Variants in SOD2 observed in about 807,000 individuals in gnomAD.
The protein encoded by SOD2 is superoxide dismutase [Mn], mitochondrial.
In SOD2, 11 loss-of-function variants were observed where a neutral mutation model predicts 27.0. The ratio of observed to expected loss-of-function variants is 0.41; its 90% confidence interval spans 0.26 to 0.67. The LOEUF (loss-of-function observed/expected upper bound fraction) is 0.67, where lower values mean the gene tolerates loss of function less well. Ranked by LOEUF, SOD2 falls within the 30% of genes least tolerant of loss-of-function variation. SOD2 has a pLI of 0.34. For synonymous variants in SOD2, 105 were observed against 103.0 expected, an observed-to-expected ratio of 1.02 and a Z score of -0.12; for missense variants, 250 against 274.5, an observed-to-expected ratio of 0.91 and a Z score of 0.63.
Position 159,685,037 on chromosome 6 carries a change from T to TTAAAAAAAAAATCCA in SOD2, c.344-19_344-5dup, listed in dbSNP as rs1780119291. 6.3e-7 allele frequency: 1 copy of TTAAAAAAAAAATCCA among 1,578,368 alleles called. No homozygotes were observed. Among genetic ancestry groups the TTAAAAAAAAAATCCA allele is most frequent in the Non-Finnish European group, 8.6e-7 (1 of 1,166,860 alleles). On this transcript the variant is annotated splice_polypyrimidine_tract_variant and splice_region_variant and intron_variant, in intron 3 of 4. Transcript: ENST00000538183. ...TTGATGGCTTCCAGCAACTCCCCTA[T>TTAAAAAAAAAATCCA]TAAAAAAAAAATCCAAAACCACCCA...
chr6:159,753,432 T>G, intron 1 of SOD2: 1 of 1,614,116 alleles, frequency 6.2e-7, no homozygotes, highest in Non-Finnish European at 8.5e-7. Flanking sequence ...TGTCTTCATT[T>G]TGTGATGGAT....
chr6:159,713,254 G>T, intron 1 of SOD2: 1 of 725,658 alleles, frequency 1.4e-6, no homozygotes, highest in Non-Finnish European at 2.4e-6. Context: ...CATCATTACA[G>T]CCACGATAGT....
At chr6:159,741,754 A>G (rs895351135) in intron 1 of SOD2, 5 of 191,364 alleles carry the variant, frequency 2.6e-5, no homozygotes, top group Non-Finnish European at 4.3e-5. Flanking sequence ...TTGGGAGGCC[A>G]GGGTGTGAGG....
At chr6:159,743,640 T>G (rs1279654204) in intron 1 of SOD2, 2 of 1,571,692 alleles carry the variant, frequency 1.3e-6, no homozygotes, top group Admixed American at 3.8e-5. Flanking sequence ...AAAATTGTAT[T>G]TATAATTTTT....
intron 1 of SOD2, among the ~76,000 whole-genome samples, chr6:159,742,342 G>GGT (rs995526814): frequency 3.3e-5 from 5 of 152,132 alleles, no homozygotes; most frequent in Non-Finnish European, 7.4e-5. Context: ...AGAAGACAGA[G>GGT]GTGTAATAGT....
At chr6:159,762,173 C>G (rs1423607022) in exon 1 of SOD2, 3 of 1,599,254 alleles carry the variant, frequency 1.9e-6, no homozygotes, top group Admixed American at 3.4e-5. Context: ...GCGCAGAGTC[C>G]GAGGCGCCTG....
At chr6:159,692,985 C>T (rs1339005174) in intron 1 of SOD2, 122 bp from the exon 2 acceptor site, 7 of 1,346,888 alleles carry the variant, frequency 5.2e-6, no homozygotes, top group Non-Finnish European at 5.8e-6. Context: ...CCTGCGGATC[C>T]CCGCTCCAGC....
chr6:159,693,402 C>G (rs1777339527), upstream of SOD2: 1 of 170,100 alleles, frequency 5.9e-6, no homozygotes, highest in African/African-American at 2.4e-5. Flanking sequence ...CCTGTCCCGC[C>G]CGCCCGCGCT....
intron 1 of SOD2, among the ~76,000 whole-genome samples, chr6:159,724,693 T>C (rs944000107): frequency 6.6e-5 from 10 of 150,454 alleles, no homozygotes; most frequent in Non-Finnish European, 7.4e-5. Flanking sequence ...CTACTGAAAA[T>C]AGAAAAAAAT....
chr6:159,693,297 C>A, upstream of SOD2: 2 of 653,138 alleles, frequency 3.1e-6, no homozygotes, highest in Non-Finnish European at 4.6e-6. Context: ...GGGCCGCGAC[C>A]CCAGCTGCGC....
chr6:159,694,250 C>T (rs1421315933), upstream of SOD2, among the ~76,000 whole-genome samples: 1 of 152,228 alleles, frequency 6.6e-6, no homozygotes. Context: ...AGTTAAACAA[C>T]AATCCTGAAT....
chr6:159,717,894 GAT>G (rs1178847131), intron 1 of SOD2, among the ~76,000 whole-genome samples: 47 of 93,958 alleles, frequency 5.0e-4, no homozygotes, highest in African/African-American at 1.6e-3. Context: ...TATATGTATG[GAT>G]ATGTGTGTGT....
At chr6:159,687,946 G>C (rs896944923) in intron 3 of SOD2, among the ~76,000 whole-genome samples, 180 bp downstream of exon 3, 3 of 152,140 alleles carry the variant, frequency 2.0e-5, no homozygotes, top group African/African-American at 7.2e-5. Context: ...AGGAAGCGGA[G>C]GTTGCAGTGA....
intron 1 of SOD2, among the ~76,000 whole-genome samples, chr6:159,743,222 T>A (rs186791783): frequency 7.9e-5 from 12 of 152,254 alleles, no homozygotes; most frequent in African/African-American, 2.9e-4. Flanking sequence ...TAATTTTGTA[T>A]TTTTAGTAGA....
chr6:159,755,752 T>A (rs1352879763), intron 1 of SOD2: 9 of 1,074,068 alleles, frequency 8.4e-6, no homozygotes, highest in Middle Eastern at 3.6e-4. Context: ...TTTCTTTGTT[T>A]TTTTTTTCTT....
chr6:159,733,619 CAAAA>C (rs572744439), intron 1 of SOD2, among the ~76,000 whole-genome samples: 1 of 112,404 alleles, frequency 8.9e-6, no homozygotes, highest in South Asian at 2.7e-4. Context: ...GAGACTGTCT[CAAAA>C]AAAAAAAAAA....
rs569943063 is a variant in SOD2, at chr6:159,669,427, T to C, written c.*13066A>G. 5.3e-5 allele frequency: 8 copies of C among 152,338 alleles called. No individual in the cohort carries two copies. Among genetic ancestry groups the C allele is most frequent in the African/African-American group, 1.7e-4 (7 of 41,580 alleles). The allele number at this position is 152,338 out of a possible 1,614,324, so 9.4% of individuals were successfully genotyped here. A position where few individuals can be genotyped will look rare whatever the true frequency, so the allele number is the denominator to read the frequency against. On this transcript the variant is annotated 3_prime_UTR_variant, in exon 5 of 5. Transcript: ENST00000538183. ...AGTGAAGTCCTCAACTACTATTGTA[T>C]TAGAGTCTATTTCTCCCTTTAAATC...
At chr6:159,716,802 T>C (rs1271268009) in intron 1 of SOD2, among the ~76,000 whole-genome samples, 1 of 152,228 alleles carries the variant, frequency 6.6e-6, no homozygotes, top group Non-Finnish European at 1.5e-5. Flanking sequence ...CAAATTGTCT[T>C]GTCCAAAATT....
chr6:159,730,540 G>A (rs1778502455), upstream of SOD2, among the ~76,000 whole-genome samples: 1 of 152,200 alleles, frequency 6.6e-6, no homozygotes, highest in Admixed American at 6.5e-5. Context: ...TGACCAAATA[G>A]TTGAATGTTG....
Sources: allele counts gnomAD v4.1 joint callset (sites outside exome capture counted in the v4.1 genomes callset), GRCh38; gene constraint gnomAD v4.1.1; transcripts MANE v1.5; gene names NCBI Gene and HGNC (gene_info 2026-07-23, HGNC 2026-07-21).